CNTN5: variants seen among roughly 807,000 people sequenced by gnomAD.
The protein encoded by CNTN5 is contactin-5.
A neutral mutation model predicts 129.1 loss-of-function variants in CNTN5; 77 were observed. The ratio of observed to expected loss-of-function variants is 0.60; its 90% CI spans 0.50 to 0.72. The LOEUF (loss-of-function observed/expected upper bound fraction) is 0.72, where lower values mean the gene tolerates loss of function less well. CNTN5 is among the 30% of genes least tolerant of loss of function. CNTN5 has a pLI of 0.00. For synonymous variants in CNTN5, 509 were observed against 465.6 expected (o/e 1.09, Z -1.20); for missense variants, 1,478 against 1,328.8 (o/e 1.11, Z -1.75).
At chr11:99,620,034 A>AAAAAAAAACCAAAAAG (rs1269909898) in intron 3 of CNTN5, among the ~76,000 whole-genome samples, 2 of 151,552 alleles carry the variant, frequency 1.3e-5, no homozygotes, top group East Asian at 3.8e-4. Context: ...TCAAAAAAAA[A>AAAAAAAAACCAAAAAG]AAACAAAAAA....
intron 3 of CNTN5, among the ~76,000 whole-genome samples, chr11:99,610,930 A>G (rs1950574979): frequency 6.6e-6 from 1 of 152,202 alleles, no homozygotes; most frequent in African/African-American, 2.4e-5. Flanking sequence ...CGGGGAGTAG[A>G]CACACAATCC....
intron 13 of CNTN5, among the ~76,000 whole-genome samples, chr11:100,173,947 C>T (rs1022009797): frequency 6.6e-6 from 1 of 152,084 alleles, no homozygotes. Flanking sequence ...CTTTCCTCCT[C>T]ACAGCTGCAG....
chr11:99,541,147 T>C (rs1948093726), intron 2 of CNTN5, among the ~76,000 whole-genome samples: 1 of 152,138 alleles, frequency 6.6e-6, no homozygotes, highest in South Asian at 2.1e-4. Context: ...CTCTGGAAGA[T>C]TTAAGGACAC....
chr11:99,614,562 T>A (rs1950698804), intron 3 of CNTN5, among the ~76,000 whole-genome samples: 1 of 151,950 alleles, frequency 6.6e-6, no homozygotes, highest in African/African-American at 2.4e-5. Flanking sequence ...GCCTTAGGGG[T>A]TGGGAGGAGT....
At chr11:99,555,761 G>A (rs1198445125) in intron 2 of CNTN5, among the ~76,000 whole-genome samples, 1 of 151,744 alleles carries the variant, frequency 6.6e-6, no homozygotes, top group Non-Finnish European at 1.5e-5. Context: ...CTAGACCAAA[G>A]GAGTATATAT....
intron 1 of CNTN5, among the ~76,000 whole-genome samples, chr11:99,201,264 T>C (rs1184405801): frequency 2.0e-5 from 3 of 151,362 alleles, no homozygotes; most frequent in African/African-American, 7.3e-5. Context: ...GACCCCGTGA[T>C]CCACCCGCCT....
At chr11:99,593,803 T>C (rs776798447) in intron 3 of CNTN5, among the ~76,000 whole-genome samples, 8 of 152,222 alleles carry the variant, frequency 5.3e-5, no homozygotes, top group Non-Finnish European at 8.8e-5. Context: ...TTCTGCCAGA[T>C]TCCCATGATG....
rs1004722451 is a variant in CNTN5, at chr11:100,241,581, A to G, written c.2006-14179A>G. Among the ~76,000 whole-genome samples the G allele has an allele frequency of 3.9e-5, 6 of 152,220 alleles. No homozygotes were observed. The South Asian group carries it at 1.2e-3, about 31-fold the overall frequency. ...GCTCACAACTCACTAGTCTGAACCTATTACAGAGCTACATACAAAATGAAG... is the reference window on the plus strand; with the variant it reads ...GCTCACAACTCACTAGTCTGAACCTGTTACAGAGCTACATACAAAATGAAG... On this transcript the variant is annotated intron_variant, in intron 16 of 24. Coordinates refer to ENST00000524871, the MANE Select transcript of CNTN5 (RefSeq NM_014361.4).
At chr11:99,299,642 G>A (rs1413208159) in intron 1 of CNTN5, among the ~76,000 whole-genome samples, 2 of 152,178 alleles carry the variant, frequency 1.3e-5, no homozygotes, top group Admixed American at 6.5e-5. Context: ...GTGAGAAAAT[G>A]TGGTATTTGA....
intron 13 of CNTN5, among the ~76,000 whole-genome samples, chr11:100,185,223 G>A (rs1948262626): frequency 1.3e-5 from 2 of 152,044 alleles, no homozygotes; most frequent in Admixed American, 1.3e-4. Flanking sequence ...CTTTTGGGGG[G>A]TTTTGTTGCT....
intron 4 of CNTN5, among the ~76,000 whole-genome samples, chr11:99,835,111 A>G (rs1947261308): frequency 6.6e-6 from 1 of 152,222 alleles, no homozygotes. Flanking sequence ...CAGATTATTG[A>G]GTCCTACTTT....
intron 2 of CNTN5, among the ~76,000 whole-genome samples, chr11:99,368,362 C>A (rs1326813699): frequency 6.6e-6 from 1 of 151,846 alleles, no homozygotes; most frequent in Non-Finnish European, 1.5e-5. Context: ...TATTTGGAGT[C>A]CCGGTGTGGT....
In CNTN5 at chr11:99,081,357, C is replaced by T. The variant is rs555007792; in HGVS notation, c.-210+60087C>T. Among the ~76,000 whole-genome samples the T allele has an allele frequency of 2.4e-4, 36 of 152,250 alleles. No individual in the cohort carries two copies. The South Asian group carries it at 4.6e-3, about 19-fold the overall frequency. On this transcript the variant is annotated intron_variant, in intron 1 of 24. Coordinates refer to ENST00000524871, the MANE Select transcript of CNTN5 (RefSeq NM_014361.4). ...TATCCTTACTTCCATAAACATAAAGCGTAGGCAGATGTGTAGAAAACATTT... is the reference window on the plus strand; with the variant it reads ...TATCCTTACTTCCATAAACATAAAGTGTAGGCAGATGTGTAGAAAACATTT...
chr11:99,104,034 C>A (rs906273907), intron 1 of CNTN5, among the ~76,000 whole-genome samples: 1 of 152,084 alleles, frequency 6.6e-6, no homozygotes, highest in African/African-American at 2.4e-5. Flanking sequence ...TCTTTTATGG[C>A]AGACCTAGGA....
intron 9 of CNTN5, among the ~76,000 whole-genome samples, chr11:100,059,428 A>T (rs937857479): frequency 6.6e-6 from 1 of 152,186 alleles, no homozygotes; most frequent in Non-Finnish European, 1.5e-5. Context: ...AGGCACCATC[A>T]TAAACTAACA....
intron 6 of CNTN5, among the ~76,000 whole-genome samples, chr11:99,906,822 A>G (rs536787819): frequency 9.2e-5 from 14 of 151,932 alleles, no homozygotes; most frequent in African/African-American, 2.7e-4. Flanking sequence ...TCAATTTCAG[A>G]GTTTGTTACT....
intron 7 of CNTN5, among the ~76,000 whole-genome samples, chr11:99,925,531 G>T (rs1950041461): frequency 6.6e-6 from 1 of 152,096 alleles, no homozygotes; most frequent in African/African-American, 2.4e-5. Context: ...GACTAAAGAT[G>T]CTGACACCTT....
intron 3 of CNTN5, among the ~76,000 whole-genome samples, chr11:99,602,574 G>A (rs1009345405): frequency 2.0e-5 from 3 of 151,968 alleles, no homozygotes; most frequent in African/African-American, 7.3e-5. Context: ...CAAATGAACT[G>A]TGGCCATTTA....
At chr11:100,290,796 A>C (rs1407928874) in intron 18 of CNTN5, among the ~76,000 whole-genome samples, 1 of 150,286 alleles carries the variant, frequency 6.7e-6, no homozygotes, top group African/African-American at 2.4e-5. Flanking sequence ...ACAGCAAAAG[A>C]AACTACCATC....
Sources: gnomAD v4.1 joint callset for allele counts (sites outside exome capture counted in the v4.1 genomes callset) on GRCh38, gnomAD v4.1.1 for gene constraint, MANE v1.5 for transcripts, NCBI Gene and HGNC (gene_info 2026-07-23, HGNC 2026-07-21) for gene names.